EPB41L3: variants seen among roughly 807,000 people sequenced by gnomAD.
The protein encoded by EPB41L3 is band 4.1-like protein 3.
In EPB41L3, 57 loss-of-function variants were observed where a neutral mutation model predicts 127.1. That is an observed-to-expected ratio of 0.45 (90% confidence interval 0.36 to 0.56). EPB41L3 has a LOEUF of 0.56. EPB41L3 is among the 20% of genes least tolerant of loss of function. The probability of loss-of-function intolerance (pLI) is 0.00; values close to 1 mark genes in which losing one functional copy is unlikely to be tolerated. For synonymous variants in EPB41L3, 572 were observed against 549.5 expected (o/e 1.04, Z -0.57); for missense variants, 1,273 against 1,372.2 (o/e 0.93, Z 1.14).
chr18:5,480,801 T>C (rs1471312616), intron 2 of EPB41L3: 1 of 152,178 alleles, frequency 6.6e-6, no homozygotes, highest in Non-Finnish European at 1.5e-5. Flanking sequence ...TGTATCTGAC[T>C]GCAGAAGATA....
intron 2 of EPB41L3, among the ~76,000 whole-genome samples, chr18:5,480,450 A>G (rs766983432): frequency 2.0e-5 from 3 of 152,174 alleles, no homozygotes; most frequent in Non-Finnish European, 2.9e-5. Flanking sequence ...GCATATAAGG[A>G]GAGAGAGACA....
At chr18:5,513,046 G>T (rs1435667821) in intron 1 of EPB41L3, among the ~76,000 whole-genome samples, 1 of 152,142 alleles carries the variant, frequency 6.6e-6, no homozygotes, top group East Asian at 1.9e-4. Context: ...TGGTATGTTC[G>T]ATCCCTGTGG....
upstream of EPB41L3, among the ~76,000 whole-genome samples, chr18:5,548,026 C>T (rs567977208): frequency 1.3e-5 from 2 of 152,308 alleles, no homozygotes; most frequent in East Asian, 3.9e-4. Flanking sequence ...ACTCATTTGG[C>T]CTCATTTATT....
In EPB41L3 at chr18:5,395,592, G is replaced by A. The variant is rs200995918; in HGVS notation, c.3072+17C>T. Reference sequence around the variant, plus strand: ...TCGCTCTCAAGGAATCCTCTTCTCGGTTCTCACTCCACTTACTTTGGTGAT... The same window carrying A: ...TCGCTCTCAAGGAATCCTCTTCTCGATTCTCACTCCACTTACTTTGGTGAT... On this transcript the variant is annotated intron_variant, in intron 20 of 22. Coordinates refer to ENST00000341928, the MANE Select transcript of EPB41L3 (RefSeq NM_012307.5). The A allele has an allele frequency of 2.2e-4, 356 of 1,610,212 alleles. 2 individuals are homozygous for A. The African/African-American group carries it at 4.2e-3, about 19-fold the overall frequency.
At chr18:5,590,641 G>T (rs1164512687) in intron 3 of EPB41L3, among the ~76,000 whole-genome samples, 1 of 152,060 alleles carries the variant, frequency 6.6e-6, no homozygotes, top group East Asian at 1.9e-4. Context: ...ATTGCCAAAA[G>T]TTGGAAACGA....
At chr18:5,444,438 C>A (rs1217587730) in intron 4 of EPB41L3, among the ~76,000 whole-genome samples, 4 of 152,146 alleles carry the variant, frequency 2.6e-5, no homozygotes. Flanking sequence ...TGGCACAACA[C>A]CAAAATGAGT....
In EPB41L3 at chr18:5,394,737, G is replaced by C; in HGVS notation, c.3210C>G (p.Thr1070=). 1 of 1,614,112 alleles carries C rather than the reference G, an allele frequency of 6.2e-7. No homozygotes were observed. The highest frequency in any genetic ancestry group is 8.5e-7 in the Non-Finnish European group (1 of 1,180,020). Residue 1070 remains threonine (T), a synonymous_variant, in exon 22 of 23, where the codon ACC becomes ACG. Transcript: ENST00000341928. ...CTGTCTCTTTATGGACCACTACTTT[G>C]GTCACTGACATGTCAGGGTGCTGCT... ...AKEQHPDMSV[T]KVVVHKETEI... is the part of the protein sequence containing the mutation.
intron 16 of EPB41L3, chr18:5,398,602 T>G (rs2073983859): frequency 9.9e-6 from 4 of 402,022 alleles, no homozygotes; most frequent in African/African-American, 6.2e-5. Flanking sequence ...CCTCAAAAAC[T>G]GTCATGCTGG....
At chr18:5,405,084 A>G (rs371354726) in intron 16 of EPB41L3, among the ~76,000 whole-genome samples, 2 of 152,254 alleles carry the variant, frequency 1.3e-5, no homozygotes, top group East Asian at 3.9e-4. Context: ...ATGGATATAG[A>G]CCTATTTCTT....
chr18:5,622,741 C>T (rs2094877458), intron 1 of EPB41L3, among the ~76,000 whole-genome samples: 2 of 152,160 alleles, frequency 1.3e-5, no homozygotes, highest in Admixed American at 6.5e-5. Flanking sequence ...ACAAAATGAT[C>T]TTTGCTCCCA....
intron 2 of EPB41L3, among the ~76,000 whole-genome samples, chr18:5,485,814 A>C (rs545660666): frequency 9.3e-4 from 142 of 152,234 alleles, no homozygotes; most frequent in South Asian, 1.9e-3. Context: ...GAAAACTATA[A>C]AACTCTGATG....
intron 3 of EPB41L3, among the ~76,000 whole-genome samples, chr18:5,561,114 A>G (rs1281712017): frequency 6.7e-6 from 1 of 148,782 alleles, no homozygotes; most frequent in Non-Finnish European, 1.5e-5. Flanking sequence ...AGTAGCTGGG[A>G]CTACAGGCGC....
intron 3 of EPB41L3, among the ~76,000 whole-genome samples, chr18:5,454,880 A>C (rs2082799759): frequency 6.6e-6 from 1 of 152,234 alleles, no homozygotes; most frequent in South Asian, 2.1e-4. Context: ...GCATTATTTA[A>C]ACACCTTTAA....
At chr18:5,477,049 T>C (rs1229441371) in intron 3 of EPB41L3, among the ~76,000 whole-genome samples, 1 of 152,222 alleles carries the variant, frequency 6.6e-6, no homozygotes, top group African/African-American at 2.4e-5. Context: ...GTTCCTGCAA[T>C]CTGTAACAAT....
At chr18:5,563,192 G>C (rs1289035099) in intron 3 of EPB41L3, among the ~76,000 whole-genome samples, 1 of 152,210 alleles carries the variant, frequency 6.6e-6, no homozygotes, top group Non-Finnish European at 1.5e-5. Flanking sequence ...TGTAAGAAGA[G>C]AGGACGGGAA....
chr18:5,440,248 G>A (rs1345665255), intron 5 of EPB41L3, among the ~76,000 whole-genome samples: 1 of 152,060 alleles, frequency 6.6e-6, no homozygotes, highest in Non-Finnish European at 1.5e-5. Flanking sequence ...TGCTACTAAG[G>A]AATCTACTTC....
intron 1 of EPB41L3, among the ~76,000 whole-genome samples, chr18:5,536,572 C>T (rs1209999409): frequency 1.3e-5 from 2 of 150,308 alleles, no homozygotes; most frequent in Non-Finnish European, 2.9e-5. Flanking sequence ...GAGGCCAAGG[C>T]GGGCAGATCA....
intron 3 of EPB41L3, among the ~76,000 whole-genome samples, chr18:5,468,255 T>C (rs779396258): frequency 2.0e-5 from 3 of 152,054 alleles, no homozygotes; most frequent in South Asian, 2.1e-4. Flanking sequence ...CTGGATGACA[T>C]GTAGATGGTG....
intron 3 of EPB41L3, among the ~76,000 whole-genome samples, chr18:5,586,827 C>T (rs1172822651): frequency 6.6e-6 from 1 of 152,116 alleles, no homozygotes; most frequent in Non-Finnish European, 1.5e-5. Context: ...TGAAGCCTGA[C>T]AACATAACAC....
Sources: gnomAD v4.1 joint callset for allele counts (sites outside exome capture counted in the v4.1 genomes callset) on GRCh38, gnomAD v4.1.1 for gene constraint, MANE v1.5 for transcripts, NCBI Gene and HGNC (gene_info 2026-07-23, HGNC 2026-07-21) for gene names.